Variants in TRAPPC9 observed in about 807,000 individuals in gnomAD.
TRAPPC9 encodes IKK2 binding protein.
TRAPPC9 carries 83 observed loss-of-function variants against 124.0 expected under a neutral mutation model. The observed-to-expected ratio is 0.67, with a 90% CI of 0.56 to 0.80. The LOEUF (loss-of-function observed/expected upper bound fraction) is 0.80, where lower values mean the gene tolerates loss of function less well. Ranked by LOEUF, TRAPPC9 falls within the 30% of genes least tolerant of loss-of-function variation. The pLI, the probability that TRAPPC9 is intolerant of heterozygous loss-of-function variation, is 0.00. For synonymous variants in TRAPPC9, 638 were observed against 617.5 expected (o/e 1.03, Z -0.49); for missense variants, 1,302 against 1,508.3 (o/e 0.86, Z 2.27).
chr8:140,382,445 A>G (rs1251822171), intron 7 of TRAPPC9, among the ~76,000 whole-genome samples: 2 of 152,130 alleles, frequency 1.3e-5, no homozygotes, highest in African/African-American at 4.8e-5. Context: ...CCACCCTAAC[A>G]CTGTGCTTTT....
chr8:140,151,226 C>T (rs2061538989), intron 17 of TRAPPC9, among the ~76,000 whole-genome samples: 1 of 152,188 alleles, frequency 6.6e-6, no homozygotes, highest in South Asian at 2.1e-4. Flanking sequence ...AGCATCAAAG[C>T]TGCCCCTAGG....
intron 7 of TRAPPC9, among the ~76,000 whole-genome samples, chr8:140,386,298 G>A (rs2068753873): frequency 6.6e-6 from 1 of 151,948 alleles, no homozygotes; most frequent in South Asian, 2.1e-4. Flanking sequence ...ATTCAACATA[G>A]TTGGAAGTTC....
intron 21 of TRAPPC9, among the ~76,000 whole-genome samples, chr8:139,821,219 C>G (rs1015032299): frequency 6.6e-6 from 1 of 152,240 alleles, no homozygotes; most frequent in African/African-American, 2.4e-5. Flanking sequence ...AACACATGAG[C>G]AAAGCCCAGC....
intron 19 of TRAPPC9, among the ~76,000 whole-genome samples, chr8:139,922,187 T>G (rs1485345974): frequency 6.6e-6 from 1 of 150,862 alleles, no homozygotes; most frequent in Non-Finnish European, 1.5e-5. Flanking sequence ...GTTTGGTGTT[T>G]TTTTTTTTTT....
At chr8:140,131,866 G>C (rs939211444) in intron 17 of TRAPPC9, among the ~76,000 whole-genome samples, 1 of 152,244 alleles carries the variant, frequency 6.6e-6, no homozygotes, top group Non-Finnish European at 1.5e-5. Flanking sequence ...AAAGCTTACA[G>C]TTGGCTCCAG....
chr8:140,031,365 T>C (rs1000643003), intron 17 of TRAPPC9, among the ~76,000 whole-genome samples: 1 of 152,216 alleles, frequency 6.6e-6, no homozygotes, highest in African/African-American at 2.4e-5. Context: ...TTATTCTTTA[T>C]TTTCCTAACG....
chr8:139,733,216 CACAG>C (rs1195681621), intron 21 of TRAPPC9, among the ~76,000 whole-genome samples: 3 of 152,104 alleles, frequency 2.0e-5, no homozygotes, highest in South Asian at 2.1e-4. Flanking sequence ...GAGGAGGAAG[CACAG>C]ACAGAGACAG....
chr8:140,359,605 C>T (rs1225764899), intron 9 of TRAPPC9, among the ~76,000 whole-genome samples: 2 of 152,178 alleles, frequency 1.3e-5, no homozygotes, highest in African/African-American at 4.8e-5. Flanking sequence ...GGGTTCTGTT[C>T]CTGCCCGTCT....
chr8:140,393,034 T>TTTTTTTATTTTATTTTATTTTATG (rs2068975153), intron 7 of TRAPPC9, among the ~76,000 whole-genome samples: 1 of 44,478 alleles, frequency 2.2e-5, no homozygotes, highest in Non-Finnish European at 3.9e-5. Context: ...CCATTTTATT[T>TTTTTTTATTTTATTTTATTTTATG]TTATTTTATT....
intron 19 of TRAPPC9, among the ~76,000 whole-genome samples, chr8:139,923,304 G>C (rs900429738): frequency 6.6e-6 from 1 of 152,172 alleles, no homozygotes; most frequent in Non-Finnish European, 1.5e-5. Flanking sequence ...CTTTCTACAG[G>C]ATGCCTGCCT....
chr8:140,109,212 C>CT (rs1220420193), intron 17 of TRAPPC9, among the ~76,000 whole-genome samples: 1 of 152,110 alleles, frequency 6.6e-6, no homozygotes, highest in Non-Finnish European at 1.5e-5. Flanking sequence ...GGAGGCCCCC[C>CT]TACCTGCTGA....
intron 18 of TRAPPC9, among the ~76,000 whole-genome samples, chr8:140,001,330 T>G (rs1410668208): frequency 1.3e-5 from 2 of 151,990 alleles, no homozygotes; most frequent in Non-Finnish European, 2.9e-5. Flanking sequence ...ATGGCACATA[T>G]ATACCTATGT....
chr8:139,917,115 C>A (rs1030744488), intron 19 of TRAPPC9, among the ~76,000 whole-genome samples: 1 of 151,034 alleles, frequency 6.6e-6, no homozygotes, highest in Non-Finnish European at 1.5e-5. Context: ...TATCCTTCAG[C>A]CTCCTAGATC....
intron 17 of TRAPPC9, among the ~76,000 whole-genome samples, chr8:140,067,288 C>T (rs559285046): frequency 1.3e-5 from 2 of 152,224 alleles, no homozygotes; most frequent in Non-Finnish European, 2.9e-5. Context: ...GGACTACAGG[C>T]GTGTGCCACC....
intron 18 of TRAPPC9, among the ~76,000 whole-genome samples, chr8:140,009,098 T>C (rs1329561139): frequency 6.6e-6 from 1 of 152,196 alleles, no homozygotes; most frequent in Non-Finnish European, 1.5e-5. Flanking sequence ...TTCCAGGCTT[T>C]AGAAGCATAA....
intron 18 of TRAPPC9, among the ~76,000 whole-genome samples, chr8:139,995,615 C>T (rs547155318): frequency 6.6e-6 from 1 of 152,060 alleles, no homozygotes; most frequent in South Asian, 2.1e-4. Context: ...GATAAGAGCC[C>T]CCAGTAATTT....
chr8:139,775,545 C>G (rs1821294323), intron 21 of TRAPPC9, among the ~76,000 whole-genome samples: 1 of 152,228 alleles, frequency 6.6e-6, no homozygotes. Context: ...GGCCACATCT[C>G]CAGGGGAAGG....
In TRAPPC9 at chr8:140,252,940, A is replaced by T; in HGVS notation, c.2279-11T>A. The T allele has an allele frequency of 1.2e-6, 2 of 1,612,430 alleles. No individual in the cohort carries two copies. The highest frequency in any genetic ancestry group is 2.2e-5 in the South Asian group (2 of 91,080). ...CGCCATACAATTTTTCTGTAATAAT[A>T]ACAATGACAGTGATGAGGATGCTGT... On this transcript the variant is annotated splice_polypyrimidine_tract_variant and intron_variant, in intron 15 of 22. Transcript: ENST00000438773. This position sits in a 1 kb window ranked among gnomAD's most constrained non-coding sequence, Gnocchi z 4.2.
chr8:139,828,907 T>A (rs1333066227), intron 21 of TRAPPC9, among the ~76,000 whole-genome samples: 1 of 152,206 alleles, frequency 6.6e-6, no homozygotes, highest in Non-Finnish European at 1.5e-5. Flanking sequence ...AAATGACAGA[T>A]TCATTTGAAT....
Sources: gnomAD v4.1 joint callset for allele counts (sites outside exome capture counted in the v4.1 genomes callset) on GRCh38, gnomAD v4.1.1 for gene constraint, Gnocchi (gnomAD v3.1) non-coding constraint, MANE v1.5 for transcripts, NCBI Gene and HGNC (gene_info 2026-07-23, HGNC 2026-07-21) for gene names.